SPTLC1: variants seen among roughly 807,000 people sequenced by gnomAD.
The protein encoded by SPTLC1 is serine palmitoyltransferase long chain base subunit 1, also known as serine palmitoyltransferase 1.
In SPTLC1, 55 loss-of-function variants were observed where a neutral mutation model predicts 68.9. The observed-to-expected ratio is 0.80, with a 90% confidence interval of 0.64 to 1.00. The LOEUF is 1.00. SPTLC1 is among the 50% of genes least tolerant of loss of function. The pLI is 0.00. For missense variants in SPTLC1, 449 were observed against 573.1 expected (o/e 0.78, Z 2.21); for synonymous variants, 197 against 201.6 (o/e 0.98, Z 0.19).
chr9:92,048,388 G>A (rs1312423628), intron 9 of SPTLC1, among the ~76,000 whole-genome samples: 3 of 152,204 alleles, frequency 2.0e-5, no homozygotes, highest in African/African-American at 7.2e-5. Context: ...TTAATGGATT[G>A]TCAGAACACA....
intron 3 of SPTLC1, among the ~76,000 whole-genome samples, chr9:92,102,499 ATAAAT>A (rs1389562416): frequency 6.6e-6 from 1 of 152,204 alleles, no homozygotes; most frequent in African/African-American, 2.4e-5. Context: ...ACAGAACAAT[ATAAAT>A]TAAGGCAAAA....
chr9:92,095,297 C>T (rs997938503), intron 3 of SPTLC1, among the ~76,000 whole-genome samples: 4 of 152,040 alleles, frequency 2.6e-5, no homozygotes, highest in Admixed American at 2.6e-4. Context: ...CTCAGGGGAC[C>T]ATAGATGACA....
intron 7 of SPTLC1, among the ~76,000 whole-genome samples, chr9:92,058,893 C>T (rs1005805949): frequency 6.6e-6 from 1 of 152,196 alleles, no homozygotes; most frequent in Non-Finnish European, 1.5e-5. Context: ...TATGAGTAGA[C>T]ATCTCCCTGC....
chr9:92,063,975 AAC>A (rs945880616), intron 6 of SPTLC1, among the ~76,000 whole-genome samples: 3 of 152,214 alleles, frequency 2.0e-5, no homozygotes, highest in Admixed American at 6.6e-5. Flanking sequence ...TACTACTTTT[AAC>A]ACAGTCCTGG....
At chr9:92,057,619 T>C (rs1006711076) in intron 7 of SPTLC1, among the ~76,000 whole-genome samples, 2 of 152,224 alleles carry the variant, frequency 1.3e-5, no homozygotes, top group Admixed American at 1.3e-4. Flanking sequence ...TTTTATGAAC[T>C]ACTGTTCATA....
chr9:92,068,989 T>C (rs1488474040), intron 5 of SPTLC1, among the ~76,000 whole-genome samples: 1 of 152,180 alleles, frequency 6.6e-6, no homozygotes, highest in Non-Finnish European at 1.5e-5. Context: ...GAGGACTAGA[T>C]AACAGAGTTT....
chr9:92,048,836 T>G (rs1564086797), intron 9 of SPTLC1, among the ~76,000 whole-genome samples: 1 of 152,222 alleles, frequency 6.6e-6, no homozygotes, highest in Non-Finnish European at 1.5e-5. Context: ...TTAACAGCAT[T>G]TGTTTGAATC....
At chr9:92,103,656 C>T (rs895128116) in intron 3 of SPTLC1, among the ~76,000 whole-genome samples, 2 of 152,218 alleles carry the variant, frequency 1.3e-5, no homozygotes, top group African/African-American at 2.4e-5. Flanking sequence ...TGGAAACCTG[C>T]GAAGCAAGGC....
At position 92,055,418 on chromosome 9, in the gene SPTLC1, G is replaced by C; in HGVS notation, c.767C>G (p.Pro256Arg). Residue 256 changes from proline to arginine, a missense_variant, in exon 8 of 15, where the codon CCT becomes CGT. Pro to Arg is a moderately radical substitution (Grantham distance 103, BLOSUM62 -2). This residue lies in a region of SPTLC1 where 391 missense variants were observed against 472.1 expected (regional missense o/e 0.83). Coordinates refer to ENST00000262554, the MANE Select transcript of SPTLC1 (RefSeq NM_006415.4). ...ATGGTTGCTTACCAATTCTGGAAGA[G>C]GACAAATAGTTCCAGTATTCATATA... ...GLYMNTGTIC[P>R]LPELVKLKYK... is the part of the protein sequence containing the mutation. 1 of 1,613,714 alleles carries C rather than the reference G, an allele frequency of 6.2e-7. No homozygotes were observed. The highest frequency in any genetic ancestry group is 8.5e-7 in the Non-Finnish European group (1 of 1,179,872).
At chr9:92,110,679 C>T (rs1217878511) in intron 2 of SPTLC1, 1 of 152,154 alleles carries the variant, frequency 6.6e-6, no homozygotes, top group African/African-American at 2.4e-5. Context: ...GCCTAGAAGG[C>T]ATCATACTAT....
At chr9:92,039,266 TTTC>T (rs1401074328) in intron 12 of SPTLC1, among the ~76,000 whole-genome samples, 1 of 152,184 alleles carries the variant, frequency 6.6e-6, no homozygotes, top group Admixed American at 6.5e-5. Context: ...TTAAAATTAT[TTTC>T]TTTTTACTTA....
chr9:92,074,056 C>A (rs566203047), intron 5 of SPTLC1, among the ~76,000 whole-genome samples: 1 of 152,216 alleles, frequency 6.6e-6, no homozygotes, highest in African/African-American at 2.4e-5. Context: ...CCGACTCCTT[C>A]CCAGATCTCC....
At chr9:92,053,567 G>C (rs1387293953) in intron 8 of SPTLC1, among the ~76,000 whole-genome samples, 2 of 152,114 alleles carry the variant, frequency 1.3e-5, no homozygotes. Context: ...TCCATGCAAT[G>C]GACTATAACT....
chr9:92,057,834 A>G (rs1833949377), intron 7 of SPTLC1, among the ~76,000 whole-genome samples: 1 of 152,234 alleles, frequency 6.6e-6, no homozygotes, highest in African/African-American at 2.4e-5. Flanking sequence ...AATATAAATT[A>G]GTAAAAAAGT....
At chr9:92,082,749 A>G (rs1306622494) in intron 3 of SPTLC1, among the ~76,000 whole-genome samples, 1 of 151,984 alleles carries the variant, frequency 6.6e-6, no homozygotes, top group Admixed American at 6.6e-5. Context: ...ATTTGGGTAT[A>G]TACCCAGTAA....
At chr9:92,106,827 C>T (rs185424996) in intron 3 of SPTLC1, among the ~76,000 whole-genome samples, 72 of 152,286 alleles carry the variant, frequency 4.7e-4, no homozygotes, top group African/African-American at 1.7e-3. Flanking sequence ...ATGCCCCACA[C>T]ATCCTAGCCC....
In SPTLC1 at chr9:92,032,493, T is replaced by C; in HGVS notation, c.1394A>G (p.Lys465Arg). 1 of 1,614,208 alleles carries C rather than the reference T, an allele frequency of 6.2e-7. No homozygotes were observed. Among genetic ancestry groups the C allele is most frequent in the Non-Finnish European group, 8.5e-7 (1 of 1,180,034 alleles). The change falls in exon 15 of 15, where the codon AAG (lysine) becomes AGG (arginine). Residue 465 changes from lysine to arginine, a missense_variant. By Grantham distance (26) the Lys-to-Arg change is conservative. Coordinates refer to ENST00000262554, the MANE Select transcript of SPTLC1 (RefSeq NM_006415.4). ...EELERAASTI[K>R]EVAQAVLL ...GAGCAGGACGGCCTGGGCTACCTCCTTGATGGTGGACGCAGCTCTCTCCAG... is the reference window on the plus strand; with the variant it reads ...GAGCAGGACGGCCTGGGCTACCTCCCTGATGGTGGACGCAGCTCTCTCCAG...
intron 12 of SPTLC1, 144 bp from the exon 13 acceptor site, chr9:92,038,509 C>T (rs1833227635): frequency 5.5e-6 from 4 of 732,000 alleles, no homozygotes; most frequent in East Asian, 2.6e-5. Context: ...CATTCCAATT[C>T]CAACAAAGAA....
At chr9:92,099,266 A>T (rs1168234875) in intron 3 of SPTLC1, among the ~76,000 whole-genome samples, 4 of 152,224 alleles carry the variant, frequency 2.6e-5, no homozygotes, top group Admixed American at 6.5e-5. Flanking sequence ...CACTTGCTGG[A>T]GGAAGAGTAC....
Sources: allele counts gnomAD v4.1 joint callset (sites outside exome capture counted in the v4.1 genomes callset), GRCh38; gene constraint gnomAD v4.1.1; regional missense constraint gnomAD v4.1.1; transcripts MANE v1.5; gene names NCBI Gene and HGNC (gene_info 2026-07-23, HGNC 2026-07-21).